Variants in SUMO2 observed in about 807,000 individuals in gnomAD.
SUMO2 encodes the protein small ubiquitin-related modifier 2.
A neutral mutation model predicts 16.0 loss-of-function variants in SUMO2; 1 was observed. That is an observed-to-expected ratio of 0.06 (90% CI 0.02 to 0.30). The LOEUF is 0.30. Ranked by LOEUF, SUMO2 falls within the 10% of genes least tolerant of loss-of-function variation. The probability of loss-of-function intolerance (pLI) is 1.00; values close to 1 mark genes in which losing one functional copy is unlikely to be tolerated. For synonymous variants in SUMO2, 36 were observed against 40.6 expected (o/e 0.89, Z 0.43); for missense variants, 16 against 117.5 (o/e 0.14, Z 3.99).
chr17:75,178,766 G>A (rs1227115397), intron 2 of SUMO2, among the ~76,000 whole-genome samples: 1 of 151,692 alleles, frequency 6.6e-6, no homozygotes, highest in African/African-American at 2.4e-5. Context: ...TCTGGGCCAG[G>A]CGCAGTGGCT....
At chr17:75,180,725 A>C in intron 2 of SUMO2, among the ~76,000 whole-genome samples, 1 of 152,076 alleles carries the variant, frequency 6.6e-6, no homozygotes, top group Admixed American at 6.6e-5. Flanking sequence ...AAATAAAATA[A>C]AATAATAAAA....
intron 2 of SUMO2, among the ~76,000 whole-genome samples, chr17:75,178,954 T>C (rs2074805586): frequency 1.3e-5 from 2 of 151,882 alleles, no homozygotes; most frequent in Admixed American, 6.6e-5. Flanking sequence ...AAACTCCACC[T>C]CAAAACAAAA....
intron 3 of SUMO2, among the ~76,000 whole-genome samples, chr17:75,168,983 G>A (rs967616729): frequency 1.3e-5 from 2 of 151,096 alleles, no homozygotes; most frequent in Non-Finnish European, 2.9e-5. Flanking sequence ...ACTACTGGAG[G>A]CCAACATTGG....
intron 2 of SUMO2, among the ~76,000 whole-genome samples, chr17:75,175,584 T>C (rs977762331): frequency 6.6e-6 from 1 of 151,248 alleles, no homozygotes. Context: ...CCTCCCAAAG[T>C]GCTGGGATTA....
At chr17:75,170,398 T>C (rs910894415) in intron 3 of SUMO2, among the ~76,000 whole-genome samples, 11 of 150,106 alleles carry the variant, frequency 7.3e-5, no homozygotes, top group Admixed American at 2.0e-4. Context: ...GGTGAAACCC[T>C]GTTTCTACCA....
chr17:75,168,632 G>C (rs2074711535), intron 3 of SUMO2, among the ~76,000 whole-genome samples: 1 of 151,412 alleles, frequency 6.6e-6, no homozygotes, highest in Non-Finnish European at 1.5e-5. Context: ...TTTGAGACAG[G>C]ATTTCTGTCA....
intron 3 of SUMO2, among the ~76,000 whole-genome samples, chr17:75,172,325 CTT>C (rs71361663): frequency 9.1e-6 from 1 of 109,412 alleles, no homozygotes; most frequent in Non-Finnish European, 1.8e-5. Flanking sequence ...TGTACCCAGA[CTT>C]TTTTTTTTTT....
intron 3 of SUMO2, among the ~76,000 whole-genome samples, chr17:75,173,763 A>T (rs1405436349): frequency 6.6e-6 from 1 of 152,128 alleles, no homozygotes. Flanking sequence ...GCACTTTGTA[A>T]TCTTGAAAAT....
At chr17:75,181,491 A>G (rs2145227773) in intron 1 of SUMO2, among the ~76,000 whole-genome samples, 1 of 152,250 alleles carries the variant, frequency 6.6e-6, no homozygotes, top group South Asian at 2.1e-4. Flanking sequence ...ACTTCCTAAA[A>G]TGACATATAT....
At chr17:75,178,246 T>G (rs1439009222) in intron 2 of SUMO2, among the ~76,000 whole-genome samples, 1 of 151,820 alleles carries the variant, frequency 6.6e-6, no homozygotes, top group Non-Finnish European at 1.5e-5. Flanking sequence ...CAGGCACCAG[T>G]GGCTCACACC....
chr17:75,178,100 G>T (rs1265826716), intron 2 of SUMO2, among the ~76,000 whole-genome samples: 1 of 151,514 alleles, frequency 6.6e-6, no homozygotes, highest in Non-Finnish European at 1.5e-5. Context: ...AGAGGATGCA[G>T]TGAGCCATGA....
chr17:75,173,481 T>G (rs1233137891), intron 3 of SUMO2, among the ~76,000 whole-genome samples: 1 of 151,892 alleles, frequency 6.6e-6, no homozygotes, highest in East Asian at 1.9e-4. Context: ...GAAGTCATTT[T>G]TTTTTTTTTT....
At chr17:75,175,148 A>G (rs924799042) in intron 2 of SUMO2, among the ~76,000 whole-genome samples, 6 of 151,444 alleles carry the variant, frequency 4.0e-5, no homozygotes, top group African/African-American at 1.5e-4. Flanking sequence ...ACAACCGGCT[A>G]ATTTTTGTAG....
intron 3 of SUMO2, among the ~76,000 whole-genome samples, chr17:75,173,210 C>T (rs1598223455): frequency 6.6e-6 from 1 of 152,134 alleles, no homozygotes; most frequent in African/African-American, 2.4e-5. Flanking sequence ...ATCGCCCAGG[C>T]TGGAGTGCAG....
rs1483419664 is a variant in SUMO2, at chr17:75,167,699, A to G, written c.*640T>C. The G allele has an allele frequency of 6.6e-6, 1 of 152,598 alleles. No homozygotes were observed. Among genetic ancestry groups the G allele is most frequent in the Non-Finnish European group, 1.5e-5 (1 of 68,018 alleles). 9.5% of individuals were successfully genotyped at this position (152,598 alleles called of 1,614,324 possible). A position where few individuals can be genotyped will look rare whatever the true frequency, so the allele number is the denominator to read the frequency against. ...TGTTTTTTCTAAGCCTCAATTTTCT[A>G]TTTAATATTTCTCAGAATAAAGAAA... On this transcript the variant is annotated 3_prime_UTR_variant, in exon 4 of 4. Transcript: ENST00000420826.
chr17:75,182,612 G>C (rs2074838259), intron 1 of SUMO2: 3 of 347,612 alleles, frequency 8.6e-6, no homozygotes, highest in South Asian at 2.9e-4. Context: ...GGGCGGGAGA[G>C]AGCGGCGGGG....
chr17:75,174,687 T>A (rs2074768102), intron 3 of SUMO2, 65 bp downstream of exon 3: 1 of 1,481,852 alleles, frequency 6.7e-7, no homozygotes. Flanking sequence ...ACGTTCAAAT[T>A]CATAAACACA....
chr17:75,167,928 T>A lies in SUMO2; in HGVS notation c.*411A>T, dbSNP rs1233118433. On this transcript the variant is annotated 3_prime_UTR_variant, in exon 4 of 4. Coordinates refer to ENST00000420826, the MANE Select transcript of SUMO2 (RefSeq NM_006937.4). Reference sequence around the variant, plus strand: ...ATGAAAAACATTAAAATTCTCCAATTGAACAAGGTATGCAAGGATTTTTAT... The same window carrying A: ...ATGAAAAACATTAAAATTCTCCAATAGAACAAGGTATGCAAGGATTTTTAT... 1 of 161,110 alleles carries A rather than the reference T, an allele frequency of 6.2e-6. No homozygotes were observed. Among genetic ancestry groups the A allele is most frequent in the East Asian group, 1.9e-4 (1 of 5,342 alleles). 10.0% of individuals were successfully genotyped at this position (161,110 alleles called of 1,614,324 possible). A position where few individuals can be genotyped will look rare whatever the true frequency, so the allele number is the denominator to read the frequency against.
chr17:75,178,049 C>G (rs967245977), intron 2 of SUMO2, among the ~76,000 whole-genome samples: 5 of 148,332 alleles, frequency 3.4e-5, no homozygotes, highest in African/African-American at 1.2e-4. Context: ...TCCCAACTAC[C>G]TGGGAGCCTG....
Sources: gnomAD v4.1 joint callset for allele counts (sites outside exome capture counted in the v4.1 genomes callset) on GRCh38, gnomAD v4.1.1 for gene constraint, MANE v1.5 for transcripts, NCBI Gene and HGNC (gene_info 2026-07-23, HGNC 2026-07-21) for gene names.